CRADD: variants seen among roughly 807,000 people sequenced by gnomAD.
The protein encoded by CRADD is death domain-containing protein CRADD.
CRADD carries 9 observed loss-of-function variants against 15.5 expected under a neutral mutation model. The observed-to-expected ratio is 0.58, with a 90% CI of 0.35 to 1.01. The LOEUF (loss-of-function observed/expected upper bound fraction) is 1.01. Among genes scored for constraint, CRADD ranks in the 50% least tolerant of loss-of-function variants. The pLI is 0.02. For missense variants in CRADD, 227 were observed against 250.3 expected (o/e 0.91, Z 0.63); for synonymous variants, 118 against 107.6 (o/e 1.10, Z -0.60).
At chr12:93,854,166 C>T (rs897095002), downstream of CRADD, among the ~76,000 whole-genome samples, 4 of 152,132 alleles carry the variant, frequency 2.6e-5, no homozygotes, top group African/African-American at 7.2e-5. Context: ...CTTGCTCTTC[C>T]GATCTGGGCC....
chr12:93,854,086 A>G (rs1378734485), downstream of CRADD, among the ~76,000 whole-genome samples: 1 of 152,216 alleles, frequency 6.6e-6, no homozygotes, highest in Non-Finnish European at 1.5e-5. Flanking sequence ...ACTACCCCCA[A>G]GATGTAATGG....
At chr12:93,840,905 A>T (rs1958039769) in intron 2 of CRADD, among the ~76,000 whole-genome samples, 1 of 152,208 alleles carries the variant, frequency 6.6e-6, no homozygotes, top group Admixed American at 6.5e-5. Context: ...TATACAGTCC[A>T]GACAAGTGTG....
intron 2 of CRADD, among the ~76,000 whole-genome samples, chr12:93,757,767 G>T (rs1452631942): frequency 6.6e-6 from 1 of 152,138 alleles, no homozygotes; most frequent in Non-Finnish European, 1.5e-5. Context: ...GGAGGAGGAA[G>T]GGTAGGGAAA....
intron 2 of CRADD, among the ~76,000 whole-genome samples, chr12:93,860,713 A>T (rs1399993430): frequency 6.6e-6 from 1 of 152,222 alleles, no homozygotes; most frequent in Non-Finnish European, 1.5e-5. Context: ...ATTAATCAGG[A>T]GGACATTTAC....
At chr12:93,878,914 G>T (rs76493999) in intron 2 of CRADD, among the ~76,000 whole-genome samples, 1 of 152,110 alleles carries the variant, frequency 6.6e-6, no homozygotes, top group Non-Finnish European at 1.5e-5. Context: ...TTTTTTCTGC[G>T]TAGATCGTTG....
At chr12:93,696,802 A>C (rs1247312979) in intron 2 of CRADD, among the ~76,000 whole-genome samples, 1 of 152,212 alleles carries the variant, frequency 6.6e-6, no homozygotes, top group Non-Finnish European at 1.5e-5. Context: ...ATACAAGTGA[A>C]AATATAGTAG....
At chr12:93,856,253 G>A (rs1958274123) in intron 2 of CRADD, among the ~76,000 whole-genome samples, 1 of 152,232 alleles carries the variant, frequency 6.6e-6, no homozygotes, top group Non-Finnish European at 1.5e-5. Context: ...GCTATGAACT[G>A]TGGCACACTT....
At chr12:93,891,558 T>C (rs1958576377) in intron 2 of CRADD, among the ~76,000 whole-genome samples, 1 of 152,232 alleles carries the variant, frequency 6.6e-6, no homozygotes, top group Non-Finnish European at 1.5e-5. Context: ...GGATGGGGAC[T>C]GGGGTATGCA....
At chr12:93,883,450 A>T (rs80260695) in intron 2 of CRADD, among the ~76,000 whole-genome samples, 42 of 152,312 alleles carry the variant, frequency 2.8e-4, no homozygotes, top group African/African-American at 9.6e-4. Context: ...TAGTAATATG[A>T]GTCAGGTACC....
chr12:93,880,473 C>A (rs970597050), intron 2 of CRADD, among the ~76,000 whole-genome samples: 1 of 152,144 alleles, frequency 6.6e-6, no homozygotes, highest in Admixed American at 6.5e-5. Context: ...ATTCTAACAT[C>A]AAGGAGCAAG....
At chr12:93,852,701 GAGA>G (rs1353544390), downstream of CRADD, among the ~76,000 whole-genome samples, 1 of 152,186 alleles carries the variant, frequency 6.6e-6, no homozygotes, top group Non-Finnish European at 1.5e-5. Flanking sequence ...GTTTGTATGG[GAGA>G]AGATTCTACA....
At chr12:93,839,606 T>A (rs192383381) in intron 2 of CRADD, among the ~76,000 whole-genome samples, 6 of 152,350 alleles carry the variant, frequency 3.9e-5, no homozygotes, top group Non-Finnish European at 7.3e-5. Context: ...AGCCTAAGCT[T>A]GGTATTGTCT....
chr12:93,872,456 G>T (rs1390513759), intron 2 of CRADD, among the ~76,000 whole-genome samples: 1 of 152,024 alleles, frequency 6.6e-6, no homozygotes. Context: ...TGCTTGTGGG[G>T]TATTGCTCAA....
chr12:93,768,003 A>T (rs1286523940), intron 2 of CRADD, among the ~76,000 whole-genome samples: 1 of 152,228 alleles, frequency 6.6e-6, no homozygotes, highest in Non-Finnish European at 1.5e-5. Flanking sequence ...TTAAGGCTTA[A>T]TGCATTCTGC....
chr12:93,747,433 C>A (rs1287688982), intron 2 of CRADD, among the ~76,000 whole-genome samples: 1 of 151,500 alleles, frequency 6.6e-6, no homozygotes, highest in African/African-American at 2.4e-5. Context: ...CCTACTTTTT[C>A]TCTTTTTTTC....
At chr12:93,873,221 G>T (rs1406111206) in intron 2 of CRADD, among the ~76,000 whole-genome samples, 2 of 143,170 alleles carry the variant, frequency 1.4e-5, no homozygotes, top group Admixed American at 1.4e-4. Context: ...CTAACTGTTG[G>T]CATATAGAAA....
At chr12:93,879,025 T>C (rs1451466071) in intron 2 of CRADD, among the ~76,000 whole-genome samples, 1 of 152,200 alleles carries the variant, frequency 6.6e-6, no homozygotes, top group African/African-American at 2.4e-5. Context: ...AGCAGATTTT[T>C]TTCTTCTGAA....
intron 2 of CRADD, among the ~76,000 whole-genome samples, chr12:93,836,490 G>C (rs916698689): frequency 3.9e-5 from 6 of 152,292 alleles, no homozygotes; most frequent in Middle Eastern, 3.4e-3. Context: ...TGTGGGAAAG[G>C]GGAGTTCATT....
At chr12:93,756,525 A>G (rs1592964081) in intron 2 of CRADD, among the ~76,000 whole-genome samples, 1 of 152,332 alleles carries the variant, frequency 6.6e-6, no homozygotes, top group East Asian at 1.9e-4. Flanking sequence ...TGGATCTCTA[A>G]GGTCTAGAGC....
Sources: gnomAD v4.1 joint callset for allele counts (sites outside exome capture counted in the v4.1 genomes callset) on GRCh38, gnomAD v4.1.1 for gene constraint, MANE v1.5 for transcripts, NCBI Gene and HGNC (gene_info 2026-07-23, HGNC 2026-07-21) for gene names.